ATXN1: variants seen among roughly 807,000 people sequenced by gnomAD.
The protein encoded by ATXN1 is ataxin-1.
In ATXN1, 8 loss-of-function variants were observed where a neutral mutation model predicts 56.4. The observed-to-expected ratio is 0.14, with a 90% CI of 0.08 to 0.26. ATXN1 has a LOEUF of 0.26. Ranked by LOEUF, ATXN1 falls within the 10% of genes least tolerant of loss-of-function variation. ATXN1 has a pLI of 1.00. For synonymous variants in ATXN1, 514 were observed against 494.6 expected (o/e 1.04, Z -0.52); for missense variants, 987 against 1,106.5 (o/e 0.89, Z 1.53).
At chr6:16,745,353 T>C (rs147731257) in intron 2 of ATXN1, among the ~76,000 whole-genome samples, 41 of 152,146 alleles carry the variant, frequency 2.7e-4, no homozygotes, top group African/African-American at 9.4e-4. Flanking sequence ...CCAAAAATGA[T>C]AGGAAACTTA....
intron 4 of ATXN1, among the ~76,000 whole-genome samples, chr6:16,530,616 G>T (rs1009036397): frequency 1.1e-4 from 16 of 152,170 alleles, no homozygotes; most frequent in African/African-American, 3.9e-4. Flanking sequence ...GTGGAGGTGG[G>T]AGGACAAAGA....
chr6:16,387,383 T>C (rs1436511069), intron 6 of ATXN1, among the ~76,000 whole-genome samples: 1 of 152,212 alleles, frequency 6.6e-6, no homozygotes, highest in Non-Finnish European at 1.5e-5. Flanking sequence ...GACATGAACT[T>C]CTTCACTGAA....
chr6:16,395,860 C>CA (rs1416807820), intron 6 of ATXN1, among the ~76,000 whole-genome samples: 1 of 151,698 alleles, frequency 6.6e-6, no homozygotes, highest in Non-Finnish European at 1.5e-5. Flanking sequence ...ACTAAAAATA[C>CA]AAAAATTAGC....
chr6:16,713,134 T>C (rs1407490311), intron 2 of ATXN1, among the ~76,000 whole-genome samples: 1 of 152,166 alleles, frequency 6.6e-6, no homozygotes, highest in Non-Finnish European at 1.5e-5. Context: ...AAAAAGTAGA[T>C]GCCATGTGAG....
intron 6 of ATXN1, among the ~76,000 whole-genome samples, chr6:16,349,518 A>G (rs545960254): frequency 1.2e-3 from 182 of 148,966 alleles, no homozygotes; most frequent in African/African-American, 4.2e-3. Context: ...GAAAGAAAGA[A>G]AAAAAAAAAA....
At chr6:16,694,192 G>A (rs1561811307) in intron 2 of ATXN1, among the ~76,000 whole-genome samples, 1 of 151,062 alleles carries the variant, frequency 6.6e-6, no homozygotes, top group Non-Finnish European at 1.5e-5. Flanking sequence ...TTATGCTCCT[G>A]AGAAGAGGAA....
intron 2 of ATXN1, among the ~76,000 whole-genome samples, chr6:16,718,467 A>G (rs1437899187): frequency 1.3e-5 from 2 of 152,208 alleles, no homozygotes. Flanking sequence ...CTTCTGTTCC[A>G]GAACTTCTAA....
chr6:16,526,298 A>AT (rs1187947191), intron 4 of ATXN1, among the ~76,000 whole-genome samples: 1 of 152,176 alleles, frequency 6.6e-6, no homozygotes, highest in Non-Finnish European at 1.5e-5. Context: ...AAGTGACTAC[A>AT]TATTGTGGTA....
In ATXN1 at chr6:16,327,669, C is replaced by G. The variant is rs200111316; in HGVS notation, c.642G>C (p.Gln214His). 1 of 1,504,616 alleles carries G rather than the reference C, an allele frequency of 6.6e-7. No individual in the cohort carries two copies. Among genetic ancestry groups the G allele is most frequent in the African/African-American group, 1.7e-5 (1 of 60,126 alleles). 93.2% of individuals were successfully genotyped at this position (1,504,616 alleles called of 1,614,324 possible). ...GCTGCTGCTGCTGCTGCTGCTGCTG[C>G]TGCTGCTGATGCTGATGCTGCTGCT... Reference protein sequence around the residue: ...QQQQQHQHQQQQQQQQQQQQQ... With the variant: ...QQQQQHQHQQHQQQQQQQQQQ... Residue 214 changes from glutamine (Q) to histidine (H), a missense_variant, in exon 7 of 8, where the codon CAG (glutamine) becomes CAC (histidine). Physicochemically the swap from Gln to His is conservative, Grantham distance 24 (BLOSUM62 0). Around this residue, in one of 3 missense-constraint regions of ATXN1, gnomAD observed 723 missense variants for 791.7 expected, o/e 0.91. Transcript: ENST00000436367.
chr6:16,653,449 A>G (rs1261674908), intron 3 of ATXN1, among the ~76,000 whole-genome samples: 1 of 152,246 alleles, frequency 6.6e-6, no homozygotes, highest in Admixed American at 6.5e-5. Flanking sequence ...GAGGCCTAAC[A>G]GCTGAAAGAA....
chr6:16,688,937 G>T (rs1472504731), intron 2 of ATXN1, among the ~76,000 whole-genome samples: 1 of 152,164 alleles, frequency 6.6e-6, no homozygotes, highest in Non-Finnish European at 1.5e-5. Context: ...GCATGTGTGT[G>T]TATGTGTGTG....
In ATXN1 at chr6:16,452,134, A is replaced by G. The variant is rs758626866; in HGVS notation, c.-161+33838T>C. ...AGTAGAATTCTGCAAACGACATTCA[A>G]TGACATCCACAGAGAGAAGACCTGC... On this transcript the variant is annotated intron_variant, in intron 6 of 7. Coordinates refer to ENST00000436367, the MANE Select transcript of ATXN1 (RefSeq NM_001128164.2). 4.6e-5 allele frequency among the ~76,000 whole-genome samples: 7 copies of G among 152,334 alleles called. No homozygotes were observed. In the East Asian group the frequency reaches 5.8e-4, roughly 13 times the overall value.
chr6:16,699,552 T>G (rs544460707), intron 2 of ATXN1, among the ~76,000 whole-genome samples: 52 of 152,272 alleles, frequency 3.4e-4, no homozygotes, highest in African/African-American at 1.1e-3. Flanking sequence ...CTTTGACTCA[T>G]CAGAGTGAGG....
At chr6:16,488,464 T>A (rs1373598404) in intron 5 of ATXN1, among the ~76,000 whole-genome samples, 1 of 152,238 alleles carries the variant, frequency 6.6e-6, no homozygotes, top group Non-Finnish European at 1.5e-5. Flanking sequence ...CTCTCTTGGT[T>A]CTTGGTTCAG....
chr6:16,630,646 A>C (rs1204377705), intron 3 of ATXN1, among the ~76,000 whole-genome samples: 1 of 152,236 alleles, frequency 6.6e-6, no homozygotes, highest in African/African-American at 2.4e-5. Flanking sequence ...ACATTAAAGC[A>C]ATGCATTATT....
chr6:16,546,392 G>C (rs975791174), intron 4 of ATXN1, among the ~76,000 whole-genome samples: 13 of 152,122 alleles, frequency 8.5e-5, no homozygotes, highest in African/African-American at 3.1e-4. Flanking sequence ...GATGAGGCAG[G>C]GCTGGAGCCC....
intron 3 of ATXN1, among the ~76,000 whole-genome samples, chr6:16,598,943 T>C (rs1762865541): frequency 6.6e-6 from 1 of 152,226 alleles, no homozygotes; most frequent in South Asian, 2.1e-4. Context: ...CATGTGCATC[T>C]GGACAGCTTT....
chr6:16,753,092 T>C (rs1054333320), intron 2 of ATXN1, 141 bp downstream of exon 2: 2 of 359,722 alleles, frequency 5.6e-6, no homozygotes, highest in Non-Finnish European at 1.1e-5. Context: ...TTTCTCAACT[T>C]CCCACACTAT....
chr6:16,639,034 C>T (rs1196503753), intron 3 of ATXN1, among the ~76,000 whole-genome samples: 1 of 152,226 alleles, frequency 6.6e-6, no homozygotes, highest in Non-Finnish European at 1.5e-5. Context: ...TGTAAAAACA[C>T]ACCAATCAGC....
Sources: allele counts gnomAD v4.1 joint callset (sites outside exome capture counted in the v4.1 genomes callset), GRCh38; gene constraint gnomAD v4.1.1; regional missense constraint gnomAD v4.1.1; transcripts MANE v1.5; gene names NCBI Gene and HGNC (gene_info 2026-07-23, HGNC 2026-07-21).